Variants in GRM7 observed in about 807,000 individuals in gnomAD.
GRM7 encodes metabotropic glutamate receptor 7.
A neutral mutation model predicts 84.5 loss-of-function variants in GRM7; 35 were observed. The observed-to-expected ratio is 0.41, with a 90% confidence interval of 0.32 to 0.55. The LOEUF (loss-of-function observed/expected upper bound fraction) is 0.55, where lower values mean the gene tolerates loss of function less well. Among genes scored for constraint, GRM7 ranks in the 20% least tolerant of loss-of-function variants. The pLI is 0.19. For synonymous variants in GRM7, 487 were observed against 455.1 expected, an observed-to-expected ratio of 1.07 and a Z score of -0.89; for missense variants, 1,003 against 1,194.6, an observed-to-expected ratio of 0.84 and a Z score of 2.36.
chr3:6,973,889 A>G (rs1693875390), intron 1 of GRM7, among the ~76,000 whole-genome samples: 2 of 152,180 alleles, frequency 1.3e-5, no homozygotes, highest in South Asian at 4.1e-4. Context: ...AGGGAAAGTC[A>G]TGGTAGAAAT....
intron 2 of GRM7, among the ~76,000 whole-genome samples, chr3:7,193,429 A>G (rs568268129): frequency 1.9e-4 from 29 of 152,120 alleles, no homozygotes; most frequent in African/African-American, 7.0e-4. Context: ...GCAACATAAA[A>G]CCTTGTTGGC....
At chr3:7,158,639 C>T (rs1027121084) in intron 2 of GRM7, among the ~76,000 whole-genome samples, 6 of 152,150 alleles carry the variant, frequency 3.9e-5, no homozygotes, top group African/African-American at 7.2e-5. Flanking sequence ...TAAACATTAT[C>T]GGGCATCTCT....
At chr3:7,305,731 T>C (rs1192644031) in intron 3 of GRM7, among the ~76,000 whole-genome samples, 9 of 152,084 alleles carry the variant, frequency 5.9e-5, no homozygotes, top group Admixed American at 5.9e-4. Flanking sequence ...CCAATCTTCC[T>C]GCATTTAGCC....
intron 1 of GRM7, among the ~76,000 whole-genome samples, chr3:6,968,472 T>C (rs892505703): frequency 6.6e-6 from 1 of 152,238 alleles, no homozygotes; most frequent in Non-Finnish European, 1.5e-5. Flanking sequence ...AGTTACTATA[T>C]GCATCTGGAA....
At chr3:7,496,482 A>G (rs1466319766) in intron 7 of GRM7, among the ~76,000 whole-genome samples, 1 of 152,218 alleles carries the variant, frequency 6.6e-6, no homozygotes, top group Non-Finnish European at 1.5e-5. Context: ...AAGCTGAGAA[A>G]CTTTTCCTGA....
intron 2 of GRM7, among the ~76,000 whole-genome samples, chr3:7,171,958 T>C (rs1451421297): frequency 6.6e-6 from 1 of 152,240 alleles, no homozygotes; most frequent in African/African-American, 2.4e-5. Context: ...TCCCAGTGCA[T>C]TTATTCTCTG....
intron 7 of GRM7, among the ~76,000 whole-genome samples, chr3:7,508,212 G>A (rs1310201097): frequency 1.3e-5 from 2 of 152,058 alleles, no homozygotes; most frequent in Admixed American, 6.6e-5. Flanking sequence ...ATGGGCTAGG[G>A]TTTAGTGATA....
Position 7,306,365 on chromosome 3 carries a change from T to C in GRM7, c.879-133T>C. On this transcript the variant is annotated intron_variant, in intron 3 of 9. Coordinates refer to ENST00000357716, the MANE Select transcript of GRM7 (RefSeq NM_000844.4). ...ATCTTTATATATTAGGGATATAAAT[T>C]CTTTATCAAGTTTTTTGCAATTATT... The C allele has an allele frequency of 4.2e-6, 3 of 711,404 alleles. No homozygotes were observed. In the East Asian group the frequency reaches 7.7e-5, roughly 18 times the overall value. 44.1% of individuals were successfully genotyped at this position (711,404 alleles called of 1,614,324 possible).
chr3:7,130,556 A>G (rs1693560617), intron 1 of GRM7, among the ~76,000 whole-genome samples: 1 of 43,422 alleles, frequency 2.3e-5, no homozygotes, highest in East Asian at 4.1e-4. Flanking sequence ...AAAAAAAAAG[A>G]AAAGAAAAAA....
chr3:7,146,771 C>T, intron 2 of GRM7, 103 bp downstream of exon 2: 1 of 764,194 alleles, frequency 1.3e-6, no homozygotes, highest in Non-Finnish European at 2.2e-6. Flanking sequence ...CTCTTACATT[C>T]CCAGAGTCCT....
At chr3:7,574,477 G>GA (rs1209896824) in intron 7 of GRM7, among the ~76,000 whole-genome samples, 1 of 152,098 alleles carries the variant, frequency 6.6e-6, no homozygotes, top group Non-Finnish European at 1.5e-5. Flanking sequence ...TTTTCTTGTT[G>GA]AAAAATGGCT....
At position 7,538,413 on chromosome 3, in the gene GRM7, G is replaced by A. The variant is rs547279269; in HGVS notation, c.1516-40009G>A. ...GGGCATGAGCCACAATGTTCGGCCCGTTACTGTATTTTGATACTCATGACT... is the reference window on the plus strand; with the variant it reads ...GGGCATGAGCCACAATGTTCGGCCCATTACTGTATTTTGATACTCATGACT... On this transcript the variant is annotated intron_variant, in intron 7 of 9. Coordinates refer to ENST00000357716, the MANE Select transcript of GRM7 (RefSeq NM_000844.4). Among the ~76,000 whole-genome samples, 5 of 152,132 alleles carry A rather than the reference G, an allele frequency of 3.3e-5. No homozygotes were observed. The South Asian group carries it at 6.2e-4, about 19-fold the overall frequency.
chr3:7,050,115 G>A (rs1304794136), intron 1 of GRM7, among the ~76,000 whole-genome samples: 2 of 151,842 alleles, frequency 1.3e-5, no homozygotes, highest in Non-Finnish European at 2.9e-5. Flanking sequence ...GAGGAGGTCT[G>A]TGGAAAGTCA....
rs372658849 is a variant in GRM7 at position 7,208,007 on chromosome 3, A to G, written c.736+61339A>G. Among the ~76,000 whole-genome samples, 50 of 152,328 alleles carry G rather than the reference A, an allele frequency of 3.3e-4. No homozygotes were observed. In the South Asian group the frequency reaches 7.5e-3, roughly 23 times the overall value. ...ATCATTTAGAGATTCCAGGCCTTCT[A>G]TATTTAGTACAGCTGCCTTAAGATT... On this transcript the variant is annotated intron_variant, in intron 2 of 9. Coordinates refer to ENST00000357716, the MANE Select transcript of GRM7 (RefSeq NM_000844.4).
intron 5 of GRM7, among the ~76,000 whole-genome samples, chr3:7,420,273 C>A (rs1426978114): frequency 1.7e-5 from 1 of 60,116 alleles, no homozygotes; most frequent in African/African-American, 6.3e-5. Flanking sequence ...GATGATTATA[C>A]TGATTAGTTT....
At chr3:7,075,517 T>C (rs1698038266) in intron 1 of GRM7, among the ~76,000 whole-genome samples, 1 of 107,208 alleles carries the variant, frequency 9.3e-6, no homozygotes, top group East Asian at 2.8e-4. Context: ...TGTGTGTGTG[T>C]GTGTGTGTGT....
intron 1 of GRM7, among the ~76,000 whole-genome samples, chr3:7,085,525 T>C (rs954135338): frequency 2.0e-5 from 3 of 152,148 alleles, no homozygotes; most frequent in Non-Finnish European, 4.4e-5. Flanking sequence ...GTTTCGATGA[T>C]CTAGAGCTTC....
chr3:7,238,540 G>A (rs191931580), intron 2 of GRM7, among the ~76,000 whole-genome samples: 118 of 151,918 alleles, frequency 7.8e-4, no homozygotes, highest in Non-Finnish European at 1.2e-3. Flanking sequence ...ACTCCTTTAG[G>A]ATGAGGACCT....
chr3:7,093,947 T>C (rs1159891526), intron 1 of GRM7, among the ~76,000 whole-genome samples: 3 of 152,144 alleles, frequency 2.0e-5, no homozygotes, highest in Non-Finnish European at 2.9e-5. Flanking sequence ...AAATTGCATA[T>C]GTATTTTTCT....
Sources: allele counts gnomAD v4.1 joint callset (sites outside exome capture counted in the v4.1 genomes callset), GRCh38; gene constraint gnomAD v4.1.1; transcripts MANE v1.5; gene names NCBI Gene and HGNC (gene_info 2026-07-23, HGNC 2026-07-21).